Variants in MCTP1 observed in about 807,000 individuals in gnomAD.
MCTP1 encodes multiple C2 and transmembrane domain containing 1, also known as multiple C2 and transmembrane domain-containing protein 1.
Under a neutral mutation model 120.6 loss-of-function variants are expected in MCTP1, and 69 were observed. The observed-to-expected ratio is 0.57, with a 90% CI of 0.47 to 0.70. The LOEUF is 0.70. Among genes scored for constraint, MCTP1 ranks in the 30% least tolerant of loss-of-function variants. The pLI, the probability that MCTP1 is intolerant of heterozygous loss-of-function variation, is 0.00. For synonymous variants in MCTP1, 529 were observed against 493.1 expected (o/e 1.07, Z -0.96); for missense variants, 1,203 against 1,248.8 (o/e 0.96, Z 0.55).
intron 15 of MCTP1, 63 bp downstream of exon 15, chr5:94,870,809 G>T: frequency 8.8e-7 from 1 of 1,132,758 alleles, no homozygotes; most frequent in South Asian, 1.3e-5. Context: ...TACAAATCAG[G>T]AACAAAAGCT....
chr5:94,708,784 G>T (rs187131491), intron 21 of MCTP1, 175 bp from the exon 22 acceptor site: 1 of 525,794 alleles, frequency 1.9e-6, no homozygotes, highest in Admixed American at 3.2e-5. Flanking sequence ...TTTTTTACTT[G>T]TACCTTAGTA....
chr5:94,800,532 TAGAG>T (rs1386075046), intron 17 of MCTP1, among the ~76,000 whole-genome samples: 2 of 152,122 alleles, frequency 1.3e-5, no homozygotes, highest in Admixed American at 1.3e-4. Context: ...TATGAAATGG[TAGAG>T]AGACTCCTGG....
chr5:95,110,407 C>G (rs10060314), intron 1 of MCTP1, among the ~76,000 whole-genome samples: 38,190 of 151,726 alleles, frequency 0.25, 5,294 homozygotes, highest in African/African-American at 0.35. Flanking sequence ...TCTATTCTGT[C>G]TCTCTCTTTC....
chr5:94,710,959 A>C (rs1291013616), intron 20 of MCTP1, 32 bp from the exon 21 acceptor site: 1 of 1,405,136 alleles, frequency 7.1e-7, no homozygotes. Flanking sequence ...CAGCAATCTG[A>C]GTACTTCATA....
At chr5:95,113,799 G>A (rs1255535411) in intron 1 of MCTP1, among the ~76,000 whole-genome samples, 1 of 152,168 alleles carries the variant, frequency 6.6e-6, no homozygotes, top group Non-Finnish European at 1.5e-5. Flanking sequence ...CCTGAGACAC[G>A]AGCCAGGGTA....
intron 19 of MCTP1, among the ~76,000 whole-genome samples, chr5:94,754,741 G>A (rs1346222992): frequency 6.6e-6 from 1 of 152,142 alleles, no homozygotes; most frequent in East Asian, 1.9e-4. Context: ...ACAGACAGAT[G>A]TAAAGGTCCA....
intron 19 of MCTP1, among the ~76,000 whole-genome samples, chr5:94,724,975 GTA>G: frequency 6.8e-6 from 1 of 147,326 alleles, no homozygotes; most frequent in South Asian, 2.2e-4. Context: ...AAAAAAAAAA[GTA>G]ACAAAGGCTA....
intron 8 of MCTP1, among the ~76,000 whole-genome samples, chr5:94,917,112 T>G (rs1268627729): frequency 6.6e-6 from 1 of 151,568 alleles, no homozygotes; most frequent in African/African-American, 2.4e-5. Flanking sequence ...TTTTCTTCCT[T>G]TATTATTTTT....
At chr5:94,732,967 T>TA (rs1237985404) in intron 19 of MCTP1, among the ~76,000 whole-genome samples, 1 of 152,152 alleles carries the variant, frequency 6.6e-6, no homozygotes, top group Non-Finnish European at 1.5e-5. Flanking sequence ...ATTATTTTTA[T>TA]ATATTAAAAT....
At chr5:95,065,029 A>G (rs1006500708) in intron 1 of MCTP1, among the ~76,000 whole-genome samples, 3 of 152,236 alleles carry the variant, frequency 2.0e-5, no homozygotes, top group Non-Finnish European at 4.4e-5. Context: ...TTTGTACAAA[A>G]AAAGATAAAT....
At chr5:95,127,661 C>T (rs1287590613) in intron 1 of MCTP1, among the ~76,000 whole-genome samples, 3 of 152,090 alleles carry the variant, frequency 2.0e-5, no homozygotes, top group African/African-American at 4.8e-5. Context: ...GAAAAAGAAC[C>T]GGGGAAGGAA....
intron 1 of MCTP1, among the ~76,000 whole-genome samples, chr5:95,237,400 A>T (rs1422227277): frequency 6.6e-6 from 1 of 152,184 alleles, no homozygotes; most frequent in Admixed American, 6.5e-5. Context: ...ATAGACCACT[A>T]GGGACATGCG....
At chr5:94,874,700 C>T (rs1393693303) in intron 12 of MCTP1, among the ~76,000 whole-genome samples, 1 of 152,058 alleles carries the variant, frequency 6.6e-6, no homozygotes, top group Non-Finnish European at 1.5e-5. Context: ...CCCTCACTTT[C>T]AACTCACACA....
At chr5:94,978,003 G>C (rs1828503806) in intron 2 of MCTP1, among the ~76,000 whole-genome samples, 1 of 151,870 alleles carries the variant, frequency 6.6e-6, no homozygotes, top group Non-Finnish European at 1.5e-5. Flanking sequence ...CAATATATAA[G>C]GAATTTCTAC....
intron 2 of MCTP1, among the ~76,000 whole-genome samples, chr5:95,001,784 A>AT (rs1290248044): frequency 6.6e-6 from 1 of 152,234 alleles, no homozygotes; most frequent in Non-Finnish European, 1.5e-5. Flanking sequence ...AGAAAAAATC[A>AT]TTTTTGGGGG....
intron 2 of MCTP1, chr5:94,980,877 C>T (rs1430662754): frequency 6.6e-6 from 1 of 151,942 alleles, no homozygotes; most frequent in Non-Finnish European, 1.5e-5. Context: ...TAATTAAAGG[C>T]TTTTCTTCAA....
chr5:94,966,462 C>A (rs1825615920), intron 2 of MCTP1, among the ~76,000 whole-genome samples: 3 of 151,998 alleles, frequency 2.0e-5, no homozygotes, highest in Admixed American at 6.6e-5. Flanking sequence ...ATGAGAAAAC[C>A]AAGAAGGGTT....
chr5:95,092,059 G>A (rs1023568951), intron 1 of MCTP1, among the ~76,000 whole-genome samples: 1 of 152,184 alleles, frequency 6.6e-6, no homozygotes, highest in Non-Finnish European at 1.5e-5. Context: ...TTATGTAGAA[G>A]CAGAACATTT....
chr5:94,915,264 G>A (rs1391468361), intron 8 of MCTP1, among the ~76,000 whole-genome samples: 1 of 152,174 alleles, frequency 6.6e-6, no homozygotes, highest in Non-Finnish European at 1.5e-5. Flanking sequence ...ATAAATGGTA[G>A]ATATATGACT....
Sources: allele counts gnomAD v4.1 joint callset (sites outside exome capture counted in the v4.1 genomes callset), GRCh38; gene constraint gnomAD v4.1.1; transcripts MANE v1.5; gene names NCBI Gene and HGNC (gene_info 2026-07-23, HGNC 2026-07-21).